The following GDA variants were observed in gnomAD, a reference collection of about 807,000 sequenced individuals.
GDA encodes cytoplasmic PSD-95 interactor.
GDA carries 18 observed loss-of-function variants against 59.6 expected under a neutral mutation model. The observed-to-expected ratio is 0.30, with a 90% CI of 0.21 to 0.45. The LOEUF is 0.45. Ranked by LOEUF, GDA falls within the 20% of genes least tolerant of loss-of-function variation. GDA has a pLI of 1.00. For synonymous variants in GDA, 201 were observed against 201.1 expected (o/e 1.00, Z 0.00); for missense variants, 427 against 552.3 (o/e 0.77, Z 2.27).
intron 3 of GDA, among the ~76,000 whole-genome samples, chr9:72,203,440 G>A (rs1195629018): frequency 6.6e-6 from 1 of 152,336 alleles, no homozygotes; most frequent in East Asian, 1.9e-4. Flanking sequence ...TCATTGAACA[G>A]TGGCAGTAGT....
chr9:72,175,214 T>G (rs137995287), intron 1 of GDA, among the ~76,000 whole-genome samples: 1 of 152,326 alleles, frequency 6.6e-6, no homozygotes, highest in East Asian at 1.9e-4. Flanking sequence ...TCACCCAGGC[T>G]GGAGTGCAGT....
chr9:72,198,758 C>A (rs1833532019), intron 2 of GDA, among the ~76,000 whole-genome samples: 1 of 150,070 alleles, frequency 6.7e-6, no homozygotes, highest in African/African-American at 2.5e-5. Flanking sequence ...TTGATATATA[C>A]CTGTATTGTT....
intron 1 of GDA, among the ~76,000 whole-genome samples, chr9:72,176,460 G>T (rs1180278832): frequency 6.6e-6 from 1 of 152,190 alleles, no homozygotes; most frequent in East Asian, 1.9e-4. Context: ...CGAAGATTTT[G>T]TGGGCGTATT....
chr9:72,134,959 A>G (rs1326314442), intron 1 of GDA, among the ~76,000 whole-genome samples: 2 of 152,206 alleles, frequency 1.3e-5, no homozygotes, highest in Admixed American at 1.3e-4. Context: ...ATATTGGTCA[A>G]TGATATGCAA....
At chr9:72,162,900 G>T (rs7023029) in intron 1 of GDA, among the ~76,000 whole-genome samples, 1 of 151,900 alleles carries the variant, frequency 6.6e-6, no homozygotes, top group Non-Finnish European at 1.5e-5. Flanking sequence ...CTCGTGATCC[G>T]CCCGCCTCGG....
chr9:72,184,120 C>A (rs1361798574), intron 1 of GDA, among the ~76,000 whole-genome samples: 1 of 152,068 alleles, frequency 6.6e-6, no homozygotes, highest in Admixed American at 6.6e-5. Context: ...CCCATGTATC[C>A]CCTGCCGGGA....
intron 1 of GDA, among the ~76,000 whole-genome samples, chr9:72,131,164 AAC>A (rs1382160846): frequency 6.6e-6 from 1 of 152,210 alleles, no homozygotes; most frequent in African/African-American, 2.4e-5. Flanking sequence ...CCTCCCTGGA[AAC>A]ACACCAAGAG....
At chr9:72,148,134 A>G (rs1044965699), upstream of GDA, among the ~76,000 whole-genome samples, 5 of 152,178 alleles carry the variant, frequency 3.3e-5, no homozygotes, top group African/African-American at 9.7e-5. Flanking sequence ...ACACACTGCA[A>G]TGAAACCCTC....
At chr9:72,222,971 G>A (rs1397865831) in intron 6 of GDA, 149 bp from the exon 7 acceptor site, 1 of 492,790 alleles carries the variant, frequency 2.0e-6, no homozygotes, top group Non-Finnish European at 3.6e-6. Context: ...GCCTCTCAAA[G>A]TGCTGGGATT....
At chr9:72,128,955 AT>A (rs1350278486) in intron 1 of GDA, among the ~76,000 whole-genome samples, 1 of 150,414 alleles carries the variant, frequency 6.6e-6, no homozygotes, top group East Asian at 2.0e-4. Context: ...AATTACTCCA[AT>A]TTTTTCTTTC....
chr9:72,231,473 G>A (rs1838343431), intron 10 of GDA, among the ~76,000 whole-genome samples: 1 of 151,844 alleles, frequency 6.6e-6, no homozygotes, highest in African/African-American at 2.4e-5. Flanking sequence ...GCTGAGGCAG[G>A]AGAATGGTGT....
intron 1 of GDA, among the ~76,000 whole-genome samples, chr9:72,163,967 A>G (rs1183058665): frequency 6.6e-6 from 1 of 152,152 alleles, no homozygotes; most frequent in East Asian, 1.9e-4. Context: ...TCTCTGTTTT[A>G]GTTGGGTATG....
rs752635142 is a variant in GDA at position 72,210,765 on chromosome 9, G to T, written c.463G>T (p.Asp155Tyr). ...IHTDSSLLLA[D>Y]ITDKFGQRAF... ...CACTGACTCATCTCTGCTCCTTGCCGACATTACAGGTGAGCAAATGAAGCA... is the reference window on the plus strand; with the variant it reads ...CACTGACTCATCTCTGCTCCTTGCCTACATTACAGGTGAGCAAATGAAGCA... The change falls in exon 4 of 14, where the codon GAC (aspartate) becomes TAC (tyrosine). Residue 155 changes from aspartate to tyrosine, a missense_variant. Physicochemically the swap from Asp to Tyr is radical, Grantham distance 160. Transcript: ENST00000358399. 1 of 1,600,950 alleles carries T rather than the reference G, an allele frequency of 6.2e-7. No individual in the cohort carries two copies. Among genetic ancestry groups the T allele is most frequent in the South Asian group, 1.1e-5 (1 of 90,762 alleles).
intron 4 of GDA, among the ~76,000 whole-genome samples, chr9:72,211,271 A>G (rs1005388698): frequency 1.3e-5 from 2 of 152,214 alleles, no homozygotes; most frequent in Non-Finnish European, 2.9e-5. Flanking sequence ...AGTAACAACT[A>G]TGGTGCTGTT....
At chr9:72,174,785 CAGACAGACAG>C in intron 1 of GDA, among the ~76,000 whole-genome samples, 2 of 151,208 alleles carry the variant, frequency 1.3e-5, no homozygotes, top group Non-Finnish European at 3.0e-5. Flanking sequence ...GAGAGACAGA[CAGACAGACAG>C]AGACAGAGAG....
chr9:72,238,962 G>T (rs11143192), intron 10 of GDA, among the ~76,000 whole-genome samples: 36,920 of 152,082 alleles, frequency 0.24, 5,053 homozygotes, highest in East Asian at 0.53. Flanking sequence ...AAAGCAAAAA[G>T]TTCCATGCGC....
chr9:72,175,788 T>G (rs2131009203), intron 1 of GDA, among the ~76,000 whole-genome samples: 1 of 152,322 alleles, frequency 6.6e-6, no homozygotes, highest in East Asian at 1.9e-4. Context: ...GGATAATCAT[T>G]TATCCTTCAA....
rs1838292742 is a variant in GDA at position 72,231,165 on chromosome 9, G to C, written c.972G>C (p.Lys324Asn). 6.3e-7 allele frequency: 1 copy of C among 1,579,298 alleles called. No homozygotes were observed. The highest frequency in any genetic ancestry group is 8.7e-7 in the Non-Finnish European group (1 of 1,148,482). The change falls in exon 10 of 14, where the codon AAG (lysine) becomes AAC (asparagine). Residue 324 changes from lysine (K) to asparagine (N), a missense_variant. Physicochemically the swap from Lys to Asn is moderately conservative, Grantham distance 94. Transcript: ENST00000358399. The stretch of plus-strand genomic sequence containing the variant: ...TAGAAGTCCTGAAACATGAAGTCAA[G>C]ATAGGGCTGGGTACAGGTTAGTAGT... ...NVLEVLKHEVKIGLGTDVAGG... is the reference protein window; with the variant it reads ...NVLEVLKHEVNIGLGTDVAGG...
intron 1 of GDA, among the ~76,000 whole-genome samples, chr9:72,129,548 G>A (rs543029976): frequency 2.0e-5 from 3 of 152,270 alleles, no homozygotes; most frequent in Non-Finnish European, 4.4e-5. Context: ...TTACTTGTTG[G>A]GACCCACACA....
Sources: allele counts gnomAD v4.1 joint callset (sites outside exome capture counted in the v4.1 genomes callset), GRCh38; gene constraint gnomAD v4.1.1; transcripts MANE v1.5; gene names NCBI Gene and HGNC (gene_info 2026-07-23, HGNC 2026-07-21).